Variants in PITPNM2 observed in about 807,000 individuals in gnomAD.
PITPNM2 encodes membrane-associated phosphatidylinositol transfer protein 2.
PITPNM2 carries 35 observed loss-of-function variants against 132.2 expected under a neutral mutation model. That is an observed-to-expected ratio of 0.26 (90% CI 0.20 to 0.35). The LOEUF (loss-of-function observed/expected upper bound fraction) is 0.35, where lower values mean the gene tolerates loss of function less well. PITPNM2 is among the 10% of genes least tolerant of loss of function. The pLI is 1.00. For missense variants in PITPNM2, 1,332 were observed against 1,912.0 expected (o/e 0.70, Z 5.66); for synonymous variants, 738 against 799.2 (o/e 0.92, Z 1.29).
upstream of PITPNM2, among the ~76,000 whole-genome samples, chr12:123,151,094 C>T (rs534310031): frequency 4.5e-3 from 654 of 145,988 alleles, 2 homozygotes; most frequent in Non-Finnish European, 7.9e-3. Context: ...CGCTGCTGCC[C>T]GCGCGCGCCG....
intron 3 of PITPNM2, among the ~76,000 whole-genome samples, chr12:123,030,344 G>A (rs990094910): frequency 1.3e-5 from 2 of 152,320 alleles, no homozygotes; most frequent in South Asian, 2.1e-4. Flanking sequence ...CAAGCATAGC[G>A]TCACCATGTG....
chr12:123,094,771 G>T (rs1360469113), intron 2 of PITPNM2, among the ~76,000 whole-genome samples: 1 of 152,178 alleles, frequency 6.6e-6, no homozygotes, highest in Non-Finnish European at 1.5e-5. Flanking sequence ...GGGCAGGGAA[G>T]GCCAGGTTCC....
intron 3 of PITPNM2, among the ~76,000 whole-genome samples, chr12:123,015,865 C>T (rs1258756543): frequency 4.6e-5 from 7 of 152,174 alleles, no homozygotes; most frequent in Non-Finnish European, 8.8e-5. Flanking sequence ...TGATAAGGGA[C>T]TTGTATCCAG....
Position 123,022,235 on chromosome 12 carries a change from C to A in PITPNM2, c.79-8193G>T, listed in dbSNP as rs1476642592. 6.6e-6 allele frequency among the ~76,000 whole-genome samples: 1 copy of A among 152,174 alleles called. No individual in the cohort carries two copies. The highest frequency in any genetic ancestry group is 1.5e-5 in the Non-Finnish European group (1 of 68,034). On this transcript the variant is annotated intron_variant, in intron 3 of 25. Transcript: ENST00000320201. The surrounding 1 kb of genome is among the most constrained non-coding windows in gnomAD (Gnocchi z 4.9). ...CCTGGATCAGCCATTGATGTCAGCA[C>A]TTGGGCTAAAAGGACAGGGCAGAGG...
intron 1 of PITPNM2, among the ~76,000 whole-genome samples, chr12:123,136,955 C>T (rs184626869): frequency 3.9e-5 from 6 of 152,300 alleles, no homozygotes; most frequent in Admixed American, 3.9e-4. Context: ...TACAGAACAG[C>T]GTCATAGGCA....
At chr12:123,012,491 C>G in intron 5 of PITPNM2, 122 bp downstream of exon 5, 1 of 1,327,418 alleles carries the variant, frequency 7.5e-7, no homozygotes, top group Non-Finnish European at 1.0e-6. Flanking sequence ...CTCTGACCTG[C>G]CTGCCCAGGA....
chr12:123,090,252 G>A (rs2042221181), intron 2 of PITPNM2: 1 of 152,238 alleles, frequency 6.6e-6, no homozygotes. Flanking sequence ...TTGGCAAGAG[G>A]TCTGTCTCAC....
chr12:122,989,465 G>GC (rs1287630808), intron 18 of PITPNM2, among the ~76,000 whole-genome samples: 1 of 152,130 alleles, frequency 6.6e-6, no homozygotes, highest in Non-Finnish European at 1.5e-5. Context: ...CTTGTAAAGT[G>GC]CCCCCTGGGC....
chr12:123,144,668 T>C (rs547768587), intron 1 of PITPNM2, among the ~76,000 whole-genome samples: 41 of 151,908 alleles, frequency 2.7e-4, no homozygotes, highest in Non-Finnish European at 4.9e-4. Flanking sequence ...TTGACCTCAT[T>C]ATCTGCCCAC....
At chr12:123,146,775 A>G (rs559760822) in intron 1 of PITPNM2, among the ~76,000 whole-genome samples, 1 of 152,222 alleles carries the variant, frequency 6.6e-6, no homozygotes, top group South Asian at 2.1e-4. Context: ...CTCATTTCAC[A>G]GGAAACAAGG....
chr12:123,001,236 G>C, intron 8 of PITPNM2, 78 bp from the exon 9 acceptor site: 1 of 1,107,038 alleles, frequency 9.0e-7, no homozygotes, highest in Non-Finnish European at 1.4e-6. Context: ...GGACGCCCCT[G>C]TGTACGGCTC....
In PITPNM2 at chr12:122,993,102, C is replaced by T. The variant is rs1424025014; in HGVS notation, c.2234-433G>A. On this transcript the variant is annotated intron_variant, in intron 15 of 25. Coordinates refer to ENST00000320201, the MANE Select transcript of PITPNM2 (RefSeq NM_020845.3). This position sits in a 1 kb window ranked among gnomAD's most constrained non-coding sequence, Gnocchi z 5.2. ...TGGGCCTCCCAAAGTGCTGGGATTACAGGCGTGAGCCACCACGCCTGACCT... is the reference window on the plus strand; with the variant it reads ...TGGGCCTCCCAAAGTGCTGGGATTATAGGCGTGAGCCACCACGCCTGACCT... Among the ~76,000 whole-genome samples, 1 of 152,230 alleles carries T rather than the reference C, an allele frequency of 6.6e-6. No homozygotes were observed. The highest frequency in any genetic ancestry group is 2.1e-4 in the South Asian group (1 of 4,830).
intron 2 of PITPNM2, among the ~76,000 whole-genome samples, chr12:123,063,998 A>AGCC (rs2041332734): frequency 6.6e-6 from 1 of 152,198 alleles, no homozygotes; most frequent in Non-Finnish European, 1.5e-5. Context: ...CAACAGCAGC[A>AGCC]GCCGCTATTA....
At chr12:123,087,078 A>C (rs189848716) in intron 2 of PITPNM2, among the ~76,000 whole-genome samples, 1 of 152,332 alleles carries the variant, frequency 6.6e-6, no homozygotes, top group Non-Finnish European at 1.5e-5. Flanking sequence ...GGCATTCCTC[A>C]GACCCTCAGA....
At chr12:122,990,848 G>T in intron 16 of PITPNM2, 139 bp from the exon 17 acceptor site, 1 of 940,994 alleles carries the variant, frequency 1.1e-6, no homozygotes, top group Non-Finnish European at 1.5e-6. Flanking sequence ...CACCTGCTCA[G>T]GGCCGTGAGA....
intron 5 of PITPNM2, 55 bp from the exon 6 acceptor site, chr12:123,010,132 C>T (rs2039121447): frequency 7.1e-7 from 1 of 1,415,668 alleles, no homozygotes; most frequent in Non-Finnish European, 9.9e-7. Context: ...CCCCCACCCA[C>T]ATCTCTCCAT....
chr12:123,078,328 C>T lies in PITPNM2; in HGVS notation c.-96+32057G>A, dbSNP rs4148861. 1.8e-3 allele frequency among the ~76,000 whole-genome samples: 273 copies of T among 152,252 alleles called. 13 individuals are homozygous for T. In the East Asian group the frequency reaches 0.047, roughly 26 times the overall value. On this transcript the variant is annotated intron_variant, in intron 2 of 25. Transcript: ENST00000320201. The surrounding 1 kb of genome is among the most constrained non-coding windows in gnomAD (Gnocchi z 7.3). Reference sequence around the variant, plus strand: ...CAGGTGGCCAGGCGGGGAGGGGTACCGGCCAGACCGGTGGGCAAAAGCAGC... The same window carrying T: ...CAGGTGGCCAGGCGGGGAGGGGTACTGGCCAGACCGGTGGGCAAAAGCAGC...
intron 3 of PITPNM2, among the ~76,000 whole-genome samples, chr12:123,029,110 C>G (rs972589238): frequency 2.6e-5 from 4 of 152,178 alleles, no homozygotes; most frequent in Admixed American, 6.5e-5. Context: ...ACCTCCTGGT[C>G]CTCTCCGCCT....
chr12:123,090,494 G>A (rs1298405333), intron 2 of PITPNM2: 1 of 152,144 alleles, frequency 6.6e-6, no homozygotes, highest in Non-Finnish European at 1.5e-5. Flanking sequence ...CAAGTATCTG[G>A]GACTACAGGC....
Sources: gnomAD v4.1 joint callset for allele counts (sites outside exome capture counted in the v4.1 genomes callset) on GRCh38, gnomAD v4.1.1 for gene constraint, Gnocchi (gnomAD v3.1) non-coding constraint, MANE v1.5 for transcripts, NCBI Gene and HGNC (gene_info 2026-07-23, HGNC 2026-07-21) for gene names.